The following ATP11A variants were observed in gnomAD, a reference collection of about 807,000 sequenced individuals.
ATP11A encodes the protein ATPase phospholipid transporting 11A, also known as phospholipid-transporting ATPase IH.
ATP11A carries 81 observed loss-of-function variants against 154.4 expected under a neutral mutation model. The ratio of observed to expected loss-of-function variants is 0.52; its 90% CI spans 0.44 to 0.63. The LOEUF (loss-of-function observed/expected upper bound fraction) is 0.63. Among genes scored for constraint, ATP11A ranks in the 30% least tolerant of loss-of-function variants. ATP11A has a pLI of 0.00. For missense variants in ATP11A, 1,316 were observed against 1,474.3 expected, an observed-to-expected ratio of 0.89 and a Z score of 1.76; for synonymous variants, 623 against 585.9, an observed-to-expected ratio of 1.06 and a Z score of -0.91.
At chr13:112,737,370 T>G (rs1006082365) in intron 1 of ATP11A, among the ~76,000 whole-genome samples, 4 of 152,350 alleles carry the variant, frequency 2.6e-5, no homozygotes, top group Non-Finnish European at 5.9e-5. Flanking sequence ...TTAGGCACTT[T>G]GTGAGCAAGT....
intron 5 of ATP11A, among the ~76,000 whole-genome samples, chr13:112,811,161 A>AACACACACACACACACACACACAC (rs10695491): frequency 2.9e-4 from 34 of 115,602 alleles, no homozygotes; most frequent in African/African-American, 9.3e-4. Context: ...TGCCCCTTCC[A>AACACACACACACACACACACACAC]ACACACACAC....
chr13:112,830,165 A>G (rs1594817210), intron 12 of ATP11A, among the ~76,000 whole-genome samples: 1 of 152,284 alleles, frequency 6.6e-6, no homozygotes, highest in Middle Eastern at 3.4e-3. Context: ...TTTATTGTTC[A>G]CTTTCATGGT....
chr13:112,881,926 C>T lies in ATP11A; in HGVS notation c.*60C>T, dbSNP rs1193683323. The T allele has an allele frequency of 2.9e-6, 4 of 1,365,198 alleles. No individual in the cohort carries two copies. The East Asian group carries it at 1.4e-4, about 47-fold the overall frequency. 84.6% of individuals were successfully genotyped at this position (1,365,198 alleles called of 1,614,324 possible). ...CCTCGGCCGCCTGGTACAGCTCCCA[C>T]TCTCAGCAGGTGACACTCGCGGCCT... On this transcript the variant is annotated 3_prime_UTR_variant, in exon 30 of 30. Transcript: ENST00000375645.
At position 112,831,419 on chromosome 13, in the gene ATP11A, C is replaced by T; in HGVS notation, c.1266C>T (p.Asn422=). 1 of 1,614,222 alleles carries T rather than the reference C, an allele frequency of 6.2e-7. No homozygotes were observed. The highest frequency in any genetic ancestry group is 8.5e-7 in the Non-Finnish European group (1 of 1,180,034). The change falls in exon 13 of 30, where the codon AAC becomes AAT. Residue 422 remains asparagine, a synonymous_variant. Coordinates refer to ENST00000375645, the MANE Select transcript of ATP11A (RefSeq NM_015205.3). Reference sequence around the variant, plus strand: ...ACAAGACCGGCACCCTCACGGAAAACAACATGGAGTTCAAGGAGTGCTGCA... The same window carrying T: ...ACAAGACCGGCACCCTCACGGAAAATAACATGGAGTTCAAGGAGTGCTGCA... ...FTDKTGTLTE[N]NMEFKECCIE...
chr13:112,865,213 C>T lies in ATP11A; in HGVS notation c.2991+2638C>T, dbSNP rs1177186558. ...ACCTGCGCAGTAATTCAGTGCAGCACGTGCAGCTTCCCAGCGGGATCCATC... is the reference window on the plus strand; with the variant it reads ...ACCTGCGCAGTAATTCAGTGCAGCATGTGCAGCTTCCCAGCGGGATCCATC... On this transcript the variant is annotated intron_variant, in intron 25 of 29. Transcript: ENST00000375645. Among the ~76,000 whole-genome samples the T allele has an allele frequency of 4.8e-5, 6 of 125,220 alleles. No individual in the cohort carries two copies. The South Asian group carries it at 1.1e-3, about 23-fold the overall frequency. The allele number at this position is 125,220 out of a possible 152,430, so 82.1% of individuals were successfully genotyped here. A position where few individuals can be genotyped will look rare whatever the true frequency, so the allele number is the denominator to read the frequency against.
At position 112,858,142 on chromosome 13, in the gene ATP11A, T is replaced by C; in HGVS notation, c.2522-3T>C. ...CTTCAGCTCCTTCACCTCCGTCTTC[T>C]AGGTGTCATCGGCAAGGAAGGCCGC... On this transcript the variant is annotated splice_polypyrimidine_tract_variant and splice_region_variant and intron_variant, in intron 21 of 29. Transcript: ENST00000375645. 1 of 1,613,270 alleles carries C rather than the reference T, an allele frequency of 6.2e-7. No homozygotes were observed. The highest frequency in any genetic ancestry group is 8.5e-7 in the Non-Finnish European group (1 of 1,179,590).
chr13:112,871,679 A>G, intron 25 of ATP11A, 56 bp from the exon 26 acceptor site: 1 of 1,552,216 alleles, frequency 6.4e-7, no homozygotes, highest in Non-Finnish European at 8.9e-7. Flanking sequence ...CTTGATTGTG[A>G]AAGAGAAAAA....
chr13:112,832,938 C>T lies in ATP11A; in HGVS notation c.1474C>T (p.Pro492Ser). The part of the protein sequence containing the change: ...QVKDDDSVDG[P>S]RKSPDGGKSC... ...GAAAGACGATGACAGCGTAGACGGCCCCAGGAAATCGCCGGACGGGGGGAA... is the reference window on the plus strand; with the variant it reads ...GAAAGACGATGACAGCGTAGACGGCTCCAGGAAATCGCCGGACGGGGGGAA... The change falls in exon 14 of 30, where the codon CCC becomes TCC. Residue 492 changes from proline to serine, a missense_variant. Around this residue, in one of 5 missense-constraint regions of ATP11A, gnomAD observed 876 missense variants for 1,006.8 expected, o/e 0.87. Coordinates refer to ENST00000375645, the MANE Select transcript of ATP11A (RefSeq NM_015205.3). 6.2e-7 allele frequency: 1 copy of T among 1,614,030 alleles called. No homozygotes were observed. Among genetic ancestry groups the T allele is most frequent in the Non-Finnish European group, 8.5e-7 (1 of 1,179,976 alleles).
chr13:112,701,832 CATTTATAACCCCAGCAATGGACTG>C (rs1316820185), intron 1 of ATP11A, among the ~76,000 whole-genome samples: 2 of 152,022 alleles, frequency 1.3e-5, no homozygotes, highest in Admixed American at 6.5e-5. Context: ...GCTGTCAACA[CATTTATAACCCCAGCAATGGACTG>C]AGGTGTGAGT....
At chr13:112,826,531 T>G (rs899316211) in intron 11 of ATP11A, among the ~76,000 whole-genome samples, 163 bp from the exon 12 acceptor site, 1 of 151,246 alleles carries the variant, frequency 6.6e-6, no homozygotes, top group Non-Finnish European at 1.5e-5. Flanking sequence ...GGTGACCCAG[T>G]GGCTGCCTTC....
chr13:112,831,614 C>T (rs1204965809), intron 13 of ATP11A, 66 bp downstream of exon 13: 39 of 1,550,962 alleles, frequency 2.5e-5, no homozygotes, highest in Non-Finnish European at 3.2e-5. Context: ...GCTGAGTCCA[C>T]CCCTTTTCAC....
At chr13:112,745,138 C>T (rs988370254) in intron 1 of ATP11A, among the ~76,000 whole-genome samples, 1 of 152,232 alleles carries the variant, frequency 6.6e-6, no homozygotes, top group Admixed American at 6.5e-5. Flanking sequence ...CATCTCGGCT[C>T]ACTGCAATCT....
intron 17 of ATP11A, among the ~76,000 whole-genome samples, chr13:112,847,276 G>A (rs1386308415): frequency 6.6e-6 from 1 of 152,220 alleles, no homozygotes; most frequent in Non-Finnish European, 1.5e-5. Context: ...TTCGAGTCCA[G>A]TTAATTTCTC....
In ATP11A at chr13:112,859,599, T is replaced by G. The variant is rs1594200439; in HGVS notation, c.2727+147T>G. The G allele has an allele frequency of 2.8e-6, 2 of 721,834 alleles. No homozygotes were observed. The highest frequency in any genetic ancestry group is 3.1e-5 in the South Asian group (2 of 64,080). 44.7% of individuals were successfully genotyped at this position (721,834 alleles called of 1,614,324 possible). On this transcript the variant is annotated intron_variant, in intron 23 of 29. Transcript: ENST00000375645. The surrounding 1 kb of genome is among the most constrained non-coding windows in gnomAD (Gnocchi z 4.3). ...CAGGGTGCCCAGCAGCAGGCGGGGG[T>G]GAAGGGTCGGGCCTGGGGAGGGGGG...
chr13:112,850,907 GT>G (rs2079745109), intron 17 of ATP11A, 129 bp from the exon 18 acceptor site: 1 of 806,730 alleles, frequency 1.2e-6, no homozygotes, highest in South Asian at 1.9e-5. Context: ...AGTACTGTAA[GT>G]TTTGAAAGGG....
intron 1 of ATP11A, among the ~76,000 whole-genome samples, chr13:112,739,081 G>C (rs1891280175): frequency 6.6e-6 from 1 of 152,168 alleles, no homozygotes; most frequent in South Asian, 2.1e-4. Flanking sequence ...CTTAGATATG[G>C]TATAAAAAGC....
chr13:112,845,221 C>T (rs939774823), intron 17 of ATP11A, among the ~76,000 whole-genome samples: 1 of 131,140 alleles, frequency 7.6e-6, no homozygotes, highest in Non-Finnish European at 1.6e-5. Context: ...ACTAACCAGT[C>T]CAGTTGCCGG....
intron 1 of ATP11A, among the ~76,000 whole-genome samples, chr13:112,728,005 C>G (rs1430047770): frequency 6.6e-6 from 1 of 152,218 alleles, no homozygotes; most frequent in East Asian, 1.9e-4. Flanking sequence ...AAAAACACCC[C>G]TTTTTCATAG....
chr13:112,730,943 A>T (rs1409964414), intron 1 of ATP11A, among the ~76,000 whole-genome samples: 1 of 151,934 alleles, frequency 6.6e-6, no homozygotes, highest in Non-Finnish European at 1.5e-5. Flanking sequence ...CTATTTATTT[A>T]TTTATTTTTT....
Sources: gnomAD v4.1 joint callset for allele counts (sites outside exome capture counted in the v4.1 genomes callset) on GRCh38, gnomAD v4.1.1 for gene constraint, gnomAD v4.1.1 regional missense constraint, Gnocchi (gnomAD v3.1) non-coding constraint, MANE v1.5 for transcripts, NCBI Gene and HGNC (gene_info 2026-07-23, HGNC 2026-07-21) for gene names.